The following HIF3A variants were observed in gnomAD, a reference collection of about 807,000 sequenced individuals.
The protein encoded by HIF3A is hypoxia-inducible factor 3-alpha.
In HIF3A, 41 loss-of-function variants were observed where a neutral mutation model predicts 67.2. The ratio of observed to expected loss-of-function variants is 0.61; its 90% confidence interval spans 0.48 to 0.79. The LOEUF (loss-of-function observed/expected upper bound fraction) is 0.79. HIF3A is among the 30% of genes least tolerant of loss of function. HIF3A has a pLI of 0.00. For synonymous variants in HIF3A, 356 were observed against 374.8 expected, an observed-to-expected ratio of 0.95 and a Z score of 0.58; for missense variants, 855 against 898.0, an observed-to-expected ratio of 0.95 and a Z score of 0.61.
At chr19:46,322,035 A>G in intron 10 of HIF3A, 69 bp downstream of exon 10, 2 of 1,489,030 alleles carry the variant, frequency 1.3e-6, no homozygotes, top group Non-Finnish European at 1.8e-6. Flanking sequence ...TTGGCCTGTG[A>G]CTTAAACCTG....
intron 8 of HIF3A, among the ~76,000 whole-genome samples, chr19:46,317,971 G>A (rs1367262963): frequency 3.3e-5 from 5 of 151,802 alleles, no homozygotes; most frequent in Non-Finnish European, 7.4e-5. Flanking sequence ...TCCAAGTAGG[G>A]ATTACAAGCA....
chr19:46,322,686 C>T (rs972101279), intron 10 of HIF3A, among the ~76,000 whole-genome samples: 2 of 152,088 alleles, frequency 1.3e-5, no homozygotes, highest in South Asian at 2.1e-4. Flanking sequence ...AGTGATCTTC[C>T]GGCCTCGGCC....
chr19:46,301,359 G>C (rs2147108909), intron 1 of HIF3A, among the ~76,000 whole-genome samples: 1 of 152,240 alleles, frequency 6.6e-6, no homozygotes, highest in South Asian at 2.1e-4. Flanking sequence ...TCCCCTCCTA[G>C]AGGTTCTGCT....
chr19:46,321,715 G>C lies in HIF3A; in HGVS notation c.1145-61G>C, dbSNP rs1054232197. 30 of 1,462,680 alleles carry C rather than the reference G, an allele frequency of 2.1e-5. No individual in the cohort carries two copies. In the African/African-American group the frequency reaches 4.2e-4, roughly 20 times the overall value. 90.6% of individuals were successfully genotyped at this position (1,462,680 alleles called of 1,614,324 possible). On this transcript the variant is annotated intron_variant, in intron 9 of 14. Transcript: ENST00000377670. The stretch of plus-strand genomic sequence containing the variant: ...TGTGTTCCTGGGGTTGGTATGGAGG[G>C]CTCTGGCCCTTGGCCCTCAGTCACC...
intron 10 of HIF3A, among the ~76,000 whole-genome samples, chr19:46,322,795 T>C (rs1479591621): frequency 6.6e-6 from 1 of 152,062 alleles, no homozygotes; most frequent in Non-Finnish European, 1.5e-5. Context: ...ACAACACTTA[T>C]TTAGGTTTAC....
In HIF3A at chr19:46,343,243, G is replaced by C. The variant is rs1461659148; in HGVS notation, c.*3621G>C. On this transcript the variant is annotated 3_prime_UTR_variant, in exon 15 of 15. Coordinates refer to ENST00000377670, the MANE Select transcript of HIF3A (RefSeq NM_152795.4). ...AGGCACTGCTCGCTCTGTTTTGTCAGAGAGTGGCCTATCCAGATTGGTGCT... is the reference window on the plus strand; with the variant it reads ...AGGCACTGCTCGCTCTGTTTTGTCACAGAGTGGCCTATCCAGATTGGTGCT... 1 of 152,278 alleles carries C rather than the reference G, an allele frequency of 6.6e-6. No individual in the cohort carries two copies. The highest frequency in any genetic ancestry group is 2.4e-5 in the African/African-American group (1 of 41,008). The allele number at this position is 152,278 out of a possible 1,614,324, so 9.4% of individuals were successfully genotyped here.
rs769888026 is a variant in HIF3A at position 46,331,187 on chromosome 19, G to A, written c.1744G>A (p.Glu582Lys). The A allele has an allele frequency of 4.3e-6, 7 of 1,614,028 alleles. No individual in the cohort carries two copies. Among genetic ancestry groups the A allele is most frequent in the Middle Eastern group, 1.6e-4 (1 of 6,062 alleles). The change falls in exon 13 of 15, where the codon GAG becomes AAG. Residue 582 changes from glutamate to lysine, a missense_variant. By Grantham distance (56) the Glu-to-Lys change is moderately conservative. Coordinates refer to ENST00000377670, the MANE Select transcript of HIF3A (RefSeq NM_152795.4). Reference protein sequence around the residue: ...TLAQSSEDEDEGVELLGVRPP... With the variant: ...TLAQSSEDEDKGVELLGVRPP... The stretch of plus-strand genomic sequence containing the variant: ...GGCCCAGAGCTCAGAGGACGAGGAC[G>A]AGGGAGTGGAGCTGCTGGGAGTGAG...
At chr19:46,305,218 C>T (rs761005667) in intron 2 of HIF3A, 27 bp from the exon 3 acceptor site, 19 of 1,613,190 alleles carry the variant, frequency 1.2e-5, no homozygotes, top group Non-Finnish European at 1.4e-5. Flanking sequence ...ACTAGAGATG[C>T]CCCCATCCCC....
intron 12 of HIF3A, among the ~76,000 whole-genome samples, chr19:46,330,672 AT>A (rs1223894207): frequency 6.7e-6 from 1 of 148,838 alleles, no homozygotes; most frequent in Non-Finnish European, 1.5e-5. Context: ...TGGTGGATGG[AT>A]GGCAGATGGA....
In HIF3A at chr19:46,301,428, G is replaced by A. The variant is rs114907378; in HGVS notation, c.27-2470G>A. On this transcript the variant is annotated intron_variant, in intron 1 of 14. Coordinates refer to ENST00000377670, the MANE Select transcript of HIF3A (RefSeq NM_152795.4). Reference sequence around the variant, plus strand: ...AAAGCCTGAAGACTGGAAACTCACCGCCCAGATTCAAATCCCAGCTCAGCC... The same window carrying A: ...AAAGCCTGAAGACTGGAAACTCACCACCCAGATTCAAATCCCAGCTCAGCC... 7.5e-3 allele frequency among the ~76,000 whole-genome samples: 1,134 copies of A among 152,214 alleles called. 25 individuals carry two copies. The highest frequency in any genetic ancestry group is 0.026 in the African/African-American group (1,074 of 41,534).
chr19:46,335,466 C>T (rs996799131), intron 14 of HIF3A, among the ~76,000 whole-genome samples: 7 of 152,072 alleles, frequency 4.6e-5, no homozygotes, highest in South Asian at 2.1e-4. Flanking sequence ...GATGAGGTTT[C>T]GCCATGTTGG....
chr19:46,336,215 C>G (rs1601380530), intron 14 of HIF3A, among the ~76,000 whole-genome samples: 1 of 150,592 alleles, frequency 6.6e-6, no homozygotes, highest in East Asian at 2.0e-4. Flanking sequence ...GCCTCAGCCT[C>G]CCGAGTAACT....
rs1404590423 is a variant in HIF3A at position 46,313,047 on chromosome 19, C to T, written c.1025+394C>T. ...GGCGGATTGCCTGAGCTCAGGAGTT[C>T]GAAACCAGCCTGGGCAACATGACGA... is the stretch of plus-strand genomic sequence containing the variant. On this transcript the variant is annotated intron_variant, in intron 8 of 14. Coordinates refer to ENST00000377670, the MANE Select transcript of HIF3A (RefSeq NM_152795.4). 9.9e-6 allele frequency: 9 copies of T among 906,160 alleles called. No individual in the cohort carries two copies. The East Asian group carries it at 3.5e-4, about 35-fold the overall frequency. 56.1% of individuals were successfully genotyped at this position (906,160 alleles called of 1,614,324 possible).
chr19:46,316,295 A>G (rs1193786730), intron 8 of HIF3A, among the ~76,000 whole-genome samples: 1 of 152,186 alleles, frequency 6.6e-6, no homozygotes, highest in Non-Finnish European at 1.5e-5. Flanking sequence ...TTGCATTCCC[A>G]TCAGTAACGT....
At chr19:46,322,159 G>A (rs1325168758) in intron 10 of HIF3A, among the ~76,000 whole-genome samples, 193 bp downstream of exon 10, 6 of 152,150 alleles carry the variant, frequency 3.9e-5, no homozygotes. Context: ...GAATTCCAGA[G>A]TCTGGCTCTG....
intron 10 of HIF3A, 50 bp downstream of exon 10, chr19:46,322,016 C>T (rs1417100597): frequency 1.6e-5 from 26 of 1,577,534 alleles, no homozygotes; most frequent in Non-Finnish European, 2.3e-5. Flanking sequence ...CTCAGTCCCT[C>T]AGGGGGTCTT....
intron 1 of HIF3A, chr19:46,298,409 C>T (rs1248183719): frequency 7.8e-7 from 1 of 1,286,530 alleles, no homozygotes; most frequent in Non-Finnish European, 1.0e-6. Flanking sequence ...GGAGTCATCT[C>T]ACCGCCGTGC....
At chr19:46,329,033 G>A (rs1354815124) in intron 11 of HIF3A, 174 bp from the exon 12 acceptor site, 48 of 542,660 alleles carry the variant, frequency 8.8e-5, no homozygotes, top group Non-Finnish European at 1.4e-4. Context: ...ACCCAGTTTA[G>A]GATTTCTCTA....
At chr19:46,302,897 G>A (rs970620582) in intron 1 of HIF3A, among the ~76,000 whole-genome samples, 2 of 152,180 alleles carry the variant, frequency 1.3e-5, no homozygotes, top group Non-Finnish European at 2.9e-5. Flanking sequence ...GAAAAGAAAA[G>A]AGAAACTTTG....
Sources: gnomAD v4.1 joint callset for allele counts (sites outside exome capture counted in the v4.1 genomes callset) on GRCh38, gnomAD v4.1.1 for gene constraint, MANE v1.5 for transcripts, NCBI Gene and HGNC (gene_info 2026-07-23, HGNC 2026-07-21) for gene names.